EIF4ENIF1: variants seen among roughly 807,000 people sequenced by gnomAD.
EIF4ENIF1 encodes eukaryotic translation initiation factor 4E transporter.
Under a neutral mutation model 110.5 loss-of-function variants are expected in EIF4ENIF1, and 23 were observed. The ratio of observed to expected loss-of-function variants is 0.21; its 90% CI spans 0.15 to 0.29. The LOEUF (loss-of-function observed/expected upper bound fraction) is 0.29, where lower values mean the gene tolerates loss of function less well. EIF4ENIF1 is among the 10% of genes least tolerant of loss of function. The pLI, the probability that EIF4ENIF1 is intolerant of heterozygous loss-of-function variation, is 1.00. For missense variants in EIF4ENIF1, 1,031 were observed against 1,221.1 expected (o/e 0.84, Z 2.32); for synonymous variants, 440 against 437.0 (o/e 1.01, Z -0.09).
Position 31,447,575 on chromosome 22 carries a change from A to G in EIF4ENIF1, c.1849-10T>C. On this transcript the variant is annotated splice_polypyrimidine_tract_variant and intron_variant, in intron 13 of 18. Transcript: ENST00000330125. ...ACTCCAGCTGGCTCATCTGCTGAAA[A>G]GGAGAGGGGAGGGTCAGGAGAAGAG... The G allele has an allele frequency of 6.3e-7, 1 of 1,598,166 alleles. No individual in the cohort carries two copies. Among genetic ancestry groups the G allele is most frequent in the Non-Finnish European group, 8.5e-7 (1 of 1,169,746 alleles).
intron 9 of EIF4ENIF1, among the ~76,000 whole-genome samples, chr22:31,454,906 C>A (rs2050769597): frequency 1.1e-5 from 1 of 93,056 alleles, no homozygotes; most frequent in African/African-American, 2.7e-5. Flanking sequence ...TACAACCAGA[C>A]CCTAGGTAAG....
At chr22:31,461,793 T>A (rs2051003107) in intron 6 of EIF4ENIF1, 1 of 152,198 alleles carries the variant, frequency 6.6e-6, no homozygotes, top group Non-Finnish European at 1.5e-5. Flanking sequence ...CCTAATACCA[T>A]GATGAAGAAG....
At chr22:31,437,706 T>C (rs1465638663), downstream of EIF4ENIF1, 1 of 152,112 alleles carries the variant, frequency 6.6e-6, no homozygotes, top group Non-Finnish European at 1.5e-5. Context: ...TTAACGTTGG[T>C]TCAACATGAA....
In EIF4ENIF1 at chr22:31,441,871, A is replaced by T. The variant is rs762035121; in HGVS notation, c.2454T>A (p.Pro818=). The T allele has an allele frequency of 6.2e-7, 1 of 1,614,152 alleles. No homozygotes were observed. Among genetic ancestry groups the T allele is most frequent in the Non-Finnish European group, 8.5e-7 (1 of 1,180,016 alleles). The change falls in exon 17 of 19, where the codon CCT becomes CCA. Residue 818 remains proline (P), a synonymous_variant. Coordinates refer to ENST00000330125, the MANE Select transcript of EIF4ENIF1 (RefSeq NM_019843.4). ...VHQVPLVPHV[P]MVRPAHQLHP... ...GAAGCTGGTGAGCAGGCCTAACCAT[A>T]GGGACATGGGGGACAAGGGGAACTT...
At chr22:31,450,395 C>A in intron 10 of EIF4ENIF1, 35 bp from the exon 11 acceptor site, 2 of 1,513,700 alleles carry the variant, frequency 1.3e-6, no homozygotes, top group South Asian at 2.3e-5. Flanking sequence ...TTTTAACTTT[C>A]TTAACTCACT....
Position 31,443,025 on chromosome 22 carries a change from C to G in EIF4ENIF1, c.2143G>C (p.Glu715Gln). Residue 715 changes from glutamate to glutamine, a missense_variant, in exon 16 of 19, where the codon GAG becomes CAG. By Grantham distance (29) the Glu-to-Gln change is conservative (BLOSUM62 2). Coordinates refer to ENST00000330125, the MANE Select transcript of EIF4ENIF1 (RefSeq NM_019843.4). ...AGAGCTGCTTTTCCAGATGCTGGCT[C>G]CTCCTTGCTTTTCTCTTTGCTCTCG... The part of the protein sequence containing the change: ...MYESKEKSKE[E>Q]PASGKAALGD... 6.2e-7 allele frequency: 1 copy of G among 1,614,134 alleles called. No homozygotes were observed. Among genetic ancestry groups the G allele is most frequent in the Non-Finnish European group, 8.5e-7 (1 of 1,180,012 alleles).
upstream of EIF4ENIF1, among the ~76,000 whole-genome samples, chr22:31,490,443 C>T (rs913336571): frequency 5.3e-5 from 8 of 152,178 alleles, no homozygotes; most frequent in African/African-American, 1.2e-4. Flanking sequence ...TCTAAAATGG[C>T]CTCTGTAAAT....
chr22:31,479,673 C>T (rs1009727988), intron 2 of EIF4ENIF1, among the ~76,000 whole-genome samples: 1 of 144,178 alleles, frequency 6.9e-6, no homozygotes, highest in Non-Finnish European at 1.5e-5. Context: ...GTGATATTAC[C>T]CTTTTGGAAA....
intron 1 of EIF4ENIF1, chr22:31,489,436 C>A (rs2052177018): frequency 1.3e-5 from 2 of 151,964 alleles, no homozygotes; most frequent in African/African-American, 2.4e-5. Flanking sequence ...AATCTCCCGG[C>A]CCGGGCGCTT....
At chr22:31,438,362 T>C (rs1307749325), downstream of EIF4ENIF1, among the ~76,000 whole-genome samples, 1 of 152,174 alleles carries the variant, frequency 6.6e-6, no homozygotes, top group Non-Finnish European at 1.5e-5. Flanking sequence ...AGGTGAATAA[T>C]AAAACAATTG....
Position 31,471,126 on chromosome 22 carries a change from CCTT to C in EIF4ENIF1, c.170+715_170+717del, listed in dbSNP as rs571406346. ...TAGCTATAGTCTTCCCAAACCAAAG[CCTT>C]CTTCTTCTGAGGGAAACTAGGATGA... On this transcript the variant is annotated intron_variant, in intron 3 of 18. Transcript: ENST00000330125. 1.6e-3 allele frequency among the ~76,000 whole-genome samples: 240 copies of C among 151,902 alleles called. 2 individuals carry two copies. The highest frequency in any genetic ancestry group is 5.4e-4 in the Non-Finnish European group (37 of 67,916).
chr22:31,472,891 C>T (rs908984212), intron 2 of EIF4ENIF1, among the ~76,000 whole-genome samples: 1 of 152,226 alleles, frequency 6.6e-6, no homozygotes, highest in Non-Finnish European at 1.5e-5. Flanking sequence ...AGCCACTCTG[C>T]TCTGCTATCA....
In EIF4ENIF1 at chr22:31,471,938, G is replaced by A. The variant is rs1473740987; in HGVS notation, c.97-21C>T. 3.8e-6 allele frequency: 6 copies of A among 1,578,698 alleles called. No individual in the cohort carries two copies. The East Asian group carries it at 9.0e-5, about 24-fold the overall frequency. ...TCTTCCTAAAAAGAGAAGTCAAATA[G>A]TCATTTTGAATTACATTTCTTAGGC... is the stretch of plus-strand genomic sequence containing the variant. On this transcript the variant is annotated intron_variant, in intron 2 of 18. Transcript: ENST00000330125.
In EIF4ENIF1 at chr22:31,440,064, G is replaced by A. The variant is rs760700268; in HGVS notation, c.2774C>T (p.Pro925Leu). Reference sequence around the variant, plus strand: ...GCCTGACCGGCTGGGCACGTTCTGAGGGGTTGTCTGAACGCTGACAGCTGC... The same window carrying A: ...GCCTGACCGGCTGGGCACGTTCTGAAGGGTTGTCTGAACGCTGACAGCTGC... ...HAAAVSVQTTPQNVPSRSGLP... is the reference protein window; with the variant it reads ...HAAAVSVQTTLQNVPSRSGLP... The change falls in exon 19 of 19, where the codon CCT (proline) becomes CTT (leucine). Residue 925 changes from proline to leucine, a missense_variant. Coordinates refer to ENST00000330125, the MANE Select transcript of EIF4ENIF1 (RefSeq NM_019843.4). The A allele has an allele frequency of 6.2e-7, 1 of 1,614,078 alleles. No individual in the cohort carries two copies. Among genetic ancestry groups the A allele is most frequent in the African/African-American group, 1.3e-5 (1 of 74,948 alleles).
At chr22:31,451,926 A>C (rs16989635) in intron 10 of EIF4ENIF1, among the ~76,000 whole-genome samples, 6,400 of 152,242 alleles carry the variant, frequency 0.042, 126 homozygotes, top group Non-Finnish European at 0.051. Context: ...CAAAGTCCAA[A>C]GCAGTGTCTA....
chr22:31,462,484 C>A (rs868355241), intron 6 of EIF4ENIF1, among the ~76,000 whole-genome samples: 68 of 137,296 alleles, frequency 5.0e-4, no homozygotes, highest in South Asian at 9.2e-4. Context: ...GACTCCGTCT[C>A]AAAAAAAAAA....
chr22:31,456,035 C>G, intron 7 of EIF4ENIF1, 48 bp from the exon 8 acceptor site: 1 of 1,596,046 alleles, frequency 6.3e-7, no homozygotes, highest in Non-Finnish European at 8.6e-7. Context: ...TGAAAAAGGA[C>G]AAGAAGGTTT....
chr22:31,439,815 ATGAAGCAGGG>A lies in EIF4ENIF1; in HGVS notation c.*55_*64del. 6.3e-7 allele frequency: 1 copy of A among 1,581,380 alleles called. No homozygotes were observed. ...GTAAAAGCCCATAAACCAACCCGAG[ATGAAGCAGGG>A]TCCTGCCCAGTGTGCCACCACAGGT... On this transcript the variant is annotated 3_prime_UTR_variant, in exon 19 of 19. Coordinates refer to ENST00000330125, the MANE Select transcript of EIF4ENIF1 (RefSeq NM_019843.4).
intron 2 of EIF4ENIF1, among the ~76,000 whole-genome samples, chr22:31,478,881 G>A (rs1326037662): frequency 1.4e-4 from 21 of 151,452 alleles, no homozygotes; most frequent in African/African-American, 3.9e-4. Flanking sequence ...GAACCCGGGA[G>A]GCGGAGCTTG....
Sources: gnomAD v4.1 joint callset for allele counts (sites outside exome capture counted in the v4.1 genomes callset) on GRCh38, gnomAD v4.1.1 for gene constraint, MANE v1.5 for transcripts, NCBI Gene and HGNC (gene_info 2026-07-23, HGNC 2026-07-21) for gene names.